ABLIM1: variants seen among roughly 807,000 people sequenced by gnomAD.
ABLIM1 encodes actin binding LIM protein 1.
In ABLIM1, 40 loss-of-function variants were observed where a neutral mutation model predicts 107.0. The ratio of observed to expected loss-of-function variants is 0.37; its 90% CI spans 0.29 to 0.49. The LOEUF (loss-of-function observed/expected upper bound fraction) is 0.49. Ranked by LOEUF, ABLIM1 falls within the 20% of genes least tolerant of loss-of-function variation. ABLIM1 has a pLI of 0.97. For missense variants in ABLIM1, 857 were observed against 1,008.5 expected, an observed-to-expected ratio of 0.85 and a Z score of 2.04; for synonymous variants, 357 against 357.3, an observed-to-expected ratio of 1.00 and a Z score of 0.01.
At chr10:114,524,752 T>C (rs2064370145) in intron 6 of ABLIM1, among the ~76,000 whole-genome samples, 1 of 152,146 alleles carries the variant, frequency 6.6e-6, no homozygotes, top group South Asian at 2.1e-4. Context: ...ACTATACCAA[T>C]CATAGCACTG....
intron 9 of ABLIM1, 139 bp from the exon 10 acceptor site, chr10:114,473,271 T>C: frequency 1.3e-6 from 1 of 777,594 alleles, no homozygotes; most frequent in South Asian, 2.2e-5. Flanking sequence ...AACACAGTTA[T>C]ACTCTTCAGA....
At chr10:114,527,746 C>T (rs1457713355) in intron 6 of ABLIM1, among the ~76,000 whole-genome samples, 1 of 150,402 alleles carries the variant, frequency 6.6e-6, no homozygotes, top group African/African-American at 2.5e-5. Flanking sequence ...CTCACTGCAA[C>T]CTCCAACTCC....
rs556733579 is a variant in ABLIM1, at chr10:114,579,062, C to T, written c.380-3463G>A. 2.5e-4 allele frequency among the ~76,000 whole-genome samples: 38 copies of T among 152,184 alleles called. No individual in the cohort carries two copies. The South Asian group carries it at 7.7e-3, about 31-fold the overall frequency. On this transcript the variant is annotated intron_variant, in intron 2 of 22. Coordinates refer to ENST00000533213, the MANE Select transcript of ABLIM1 (RefSeq NM_002313.7). ...TCAGCCTCCCAAAGTACTGTTATTACAGACGTGAGACACTGCTCCTGGCCC... is the reference window on the plus strand; with the variant it reads ...TCAGCCTCCCAAAGTACTGTTATTATAGACGTGAGACACTGCTCCTGGCCC...
chr10:114,634,659 A>G (rs1299964570), intron 1 of ABLIM1, among the ~76,000 whole-genome samples: 1 of 152,108 alleles, frequency 6.6e-6, no homozygotes. Context: ...AAAATACTAC[A>G]TAGTGGTTCA....
At chr10:114,614,438 C>T (rs765691572) in intron 1 of ABLIM1, among the ~76,000 whole-genome samples, 1 of 152,058 alleles carries the variant, frequency 6.6e-6, no homozygotes, top group Non-Finnish European at 1.5e-5. Flanking sequence ...TGCATGCCAT[C>T]CTCCCCACTA....
intron 2 of ABLIM1, among the ~76,000 whole-genome samples, chr10:114,585,745 G>A (rs2483577): frequency 0.74 from 112,472 of 151,926 alleles, 42,098 homozygotes; most frequent in African/African-American, 0.82. Context: ...CCAGGCTCCC[G>A]GCCCCTCTCA....
chr10:114,467,324 A>G (rs1239855634), intron 11 of ABLIM1, among the ~76,000 whole-genome samples: 1 of 152,214 alleles, frequency 6.6e-6, no homozygotes, highest in Non-Finnish European at 1.5e-5. Context: ...AGTACAAAGA[A>G]TATTTTACAT....
chr10:114,692,187 T>C (rs1184156802), intron 1 of ABLIM1, among the ~76,000 whole-genome samples: 1 of 152,222 alleles, frequency 6.6e-6, no homozygotes. Context: ...TGTATTACCC[T>C]CTCTAGTTAA....
At chr10:114,630,768 T>C (rs1436910971) in intron 1 of ABLIM1, among the ~76,000 whole-genome samples, 1 of 152,196 alleles carries the variant, frequency 6.6e-6, no homozygotes, top group African/African-American at 2.4e-5. Context: ...TGTCCGTGTT[T>C]GGGGAGGAAA....
chr10:114,513,412 C>T (rs989843370), intron 6 of ABLIM1, among the ~76,000 whole-genome samples: 2 of 152,046 alleles, frequency 1.3e-5, no homozygotes, highest in African/African-American at 4.8e-5. Flanking sequence ...CCTCTTAAAT[C>T]AAGCAAAAAC....
chr10:114,594,575 C>A (rs987546168), intron 2 of ABLIM1, among the ~76,000 whole-genome samples: 2 of 152,104 alleles, frequency 1.3e-5, no homozygotes, highest in African/African-American at 4.8e-5. Flanking sequence ...CATGGTGAAA[C>A]CCCATCTCTA....
intron 1 of ABLIM1, among the ~76,000 whole-genome samples, chr10:114,721,604 C>G (rs1369936858): frequency 6.6e-6 from 1 of 152,090 alleles, no homozygotes; most frequent in Admixed American, 6.5e-5. Flanking sequence ...GCCTCAGCCT[C>G]CCGAGTAGCT....
At chr10:114,719,295 T>C (rs2081781559) in intron 1 of ABLIM1, among the ~76,000 whole-genome samples, 1 of 152,196 alleles carries the variant, frequency 6.6e-6, no homozygotes, top group Non-Finnish European at 1.5e-5. Flanking sequence ...ACTGTCCTAG[T>C]CCTAGGCAGT....
the ABLIM1 span, among the ~76,000 whole-genome samples, chr10:114,784,665 C>CAAAAAAA: frequency 3.1e-4 from 27 of 87,924 alleles, no homozygotes; most frequent in African/African-American, 4.3e-4. Flanking sequence ...AGACTCACCT[C>CAAAAAAA]AAAAAAAAAA....
chr10:114,739,354 C>T (rs769820769), intron 1 of ABLIM1, among the ~76,000 whole-genome samples: 7 of 152,200 alleles, frequency 4.6e-5, no homozygotes, highest in Non-Finnish European at 8.8e-5. Context: ...TACATCCTGG[C>T]GAGTCCATAG....
chr10:114,607,289 T>C lies in ABLIM1; in HGVS notation c.245-5328A>G, dbSNP rs79832156. Among the ~76,000 whole-genome samples, 1,227 of 152,326 alleles carry C rather than the reference T, an allele frequency of 8.1e-3. 22 individuals carry two copies. Among genetic ancestry groups the C allele is most frequent in the African/African-American group, 0.028 (1,169 of 41,566 alleles). On this transcript the variant is annotated intron_variant, in intron 1 of 22. Coordinates refer to ENST00000533213, the MANE Select transcript of ABLIM1 (RefSeq NM_002313.7). Reference sequence around the variant, plus strand: ...GTTGGCCAGGATGGTCTCCATCACCTGACCTCGTGATCCACCCGGCTCTGC... The same window carrying C: ...GTTGGCCAGGATGGTCTCCATCACCCGACCTCGTGATCCACCCGGCTCTGC...
intron 8 of ABLIM1, among the ~76,000 whole-genome samples, chr10:114,474,697 C>T (rs1482538612): frequency 6.6e-6 from 1 of 152,124 alleles, no homozygotes; most frequent in Admixed American, 6.5e-5. Flanking sequence ...CTTTCAAGAA[C>T]ATAATTTGGA....
At chr10:114,545,823 C>T (rs1360242416) in intron 5 of ABLIM1, among the ~76,000 whole-genome samples, 1 of 149,222 alleles carries the variant, frequency 6.7e-6, no homozygotes, top group Non-Finnish European at 1.5e-5. Context: ...CCCAGCTACC[C>T]AGAAGGCTGA....
intron 1 of ABLIM1, among the ~76,000 whole-genome samples, chr10:114,675,262 C>T (rs1201742645): frequency 6.6e-6 from 1 of 152,116 alleles, no homozygotes; most frequent in Non-Finnish European, 1.5e-5. Flanking sequence ...TTGGCTGTGT[C>T]CCCATCCAAA....
Sources: gnomAD v4.1 joint callset for allele counts (sites outside exome capture counted in the v4.1 genomes callset) on GRCh38, gnomAD v4.1.1 for gene constraint, MANE v1.5 for transcripts, NCBI Gene and HGNC (gene_info 2026-07-23, HGNC 2026-07-21) for gene names.